The following PXK variants were observed in gnomAD, a reference collection of about 807,000 sequenced individuals.
The protein encoded by PXK is PX domain-containing protein kinase-like protein.
PXK carries 35 observed loss-of-function variants against 84.7 expected under a neutral mutation model. That is an observed-to-expected ratio of 0.41 (90% confidence interval 0.32 to 0.55). The LOEUF (loss-of-function observed/expected upper bound fraction) is 0.55, where lower values mean the gene tolerates loss of function less well. Ranked by LOEUF, PXK falls within the 20% of genes least tolerant of loss-of-function variation. The pLI is 0.21. For synonymous variants in PXK, 253 were observed against 260.8 expected, an observed-to-expected ratio of 0.97 and a Z score of 0.29; for missense variants, 634 against 699.7, an observed-to-expected ratio of 0.91 and a Z score of 1.06.
chr3:58,394,266 G>T (rs147031709), intron 7 of PXK, among the ~76,000 whole-genome samples: 14 of 152,282 alleles, frequency 9.2e-5, no homozygotes, highest in Non-Finnish European at 1.8e-4. Flanking sequence ...TGTAATACCT[G>T]TCTGGACCCA....
chr3:58,403,253 C>T (rs2058881639), intron 12 of PXK, among the ~76,000 whole-genome samples: 1 of 152,156 alleles, frequency 6.6e-6, no homozygotes, highest in South Asian at 2.1e-4. Flanking sequence ...GATCCGCCTG[C>T]CTCAGCCTCA....
chr3:58,373,914 C>T lies in PXK; in HGVS notation c.201+4436C>T, dbSNP rs570362662. 4.6e-5 allele frequency among the ~76,000 whole-genome samples: 7 copies of T among 151,614 alleles called. No individual in the cohort carries two copies. The Middle Eastern group carries it at 0.01, about 221-fold the overall frequency. ...CAAAAAATTAGCAGGGCGTGGTGGC[C>T]GGCGCCTGTAGTCCCAGCTACTCGG... is the stretch of plus-strand genomic sequence containing the variant. On this transcript the variant is annotated intron_variant, in intron 3 of 17. Transcript: ENST00000356151.
rs1026267514 is a variant in PXK, at chr3:58,370,559, C to T, written c.201+1081C>T. 6.6e-6 allele frequency among the ~76,000 whole-genome samples: 1 copy of T among 152,194 alleles called. No homozygotes were observed. ...GACTCAGCCAGGAGGGAAAGGACTGCTCCCGTCATTGGTGAGCTAGCCGTT... is the reference window on the plus strand; with the variant it reads ...GACTCAGCCAGGAGGGAAAGGACTGTTCCCGTCATTGGTGAGCTAGCCGTT... On this transcript the variant is annotated intron_variant, in intron 3 of 17. Transcript: ENST00000356151. The surrounding 1 kb of genome is among the most constrained non-coding windows in gnomAD (Gnocchi z 4.2).
Position 58,398,538 on chromosome 3 carries a change from A to G in PXK, c.1103-761A>G, listed in dbSNP as rs2058077627. 6.6e-6 allele frequency among the ~76,000 whole-genome samples: 1 copy of G among 152,166 alleles called. No homozygotes were observed. Among genetic ancestry groups the G allele is most frequent in the Non-Finnish European group, 1.5e-5 (1 of 68,022 alleles). ...ACAAATTGGATCCAGGAGCTCTTAC[A>G]GCATTACCTGCGGGGGCTGAGGGGA... On this transcript the variant is annotated intron_variant, in intron 11 of 17. Coordinates refer to ENST00000356151, the MANE Select transcript of PXK (RefSeq NM_017771.5). The surrounding 1 kb of genome is among the most constrained non-coding windows in gnomAD (Gnocchi z 4.5).
chr3:58,396,734 C>T (rs568967617), intron 9 of PXK, among the ~76,000 whole-genome samples: 1 of 152,312 alleles, frequency 6.6e-6, no homozygotes, highest in South Asian at 2.1e-4. Context: ...CTATTGGAAT[C>T]AGAAAGTGCT....
Position 58,383,286 on chromosome 3 carries a change from T to C in PXK, c.388+586T>C, listed in dbSNP as rs1201663520. Among the ~76,000 whole-genome samples, 1 of 152,202 alleles carries C rather than the reference T, an allele frequency of 6.6e-6. No homozygotes were observed. The highest frequency in any genetic ancestry group is 1.5e-5 in the Non-Finnish European group (1 of 68,036). On this transcript the variant is annotated intron_variant, in intron 4 of 17. Coordinates refer to ENST00000356151, the MANE Select transcript of PXK (RefSeq NM_017771.5). The surrounding 1 kb of genome is among the most constrained non-coding windows in gnomAD (Gnocchi z 4.0). ...TAGCCTAGGCAACAGAGCAAGACTC[T>C]GTCTTAAAAAGATAATAATAATAAT...
At chr3:58,345,261 C>T (rs903615703) in intron 1 of PXK, among the ~76,000 whole-genome samples, 11 of 152,112 alleles carry the variant, frequency 7.2e-5, no homozygotes, top group Admixed American at 3.9e-4. Context: ...TTAGAGAAAA[C>T]GTTCTAAATC....
intron 1 of PXK, among the ~76,000 whole-genome samples, chr3:58,354,528 C>T (rs888925852): frequency 1.1e-4 from 17 of 151,344 alleles, no homozygotes; most frequent in African/African-American, 4.1e-4. Flanking sequence ...CTCACTGCAA[C>T]CTCCACCTCC....
intron 3 of PXK, among the ~76,000 whole-genome samples, chr3:58,381,248 C>A (rs78830277): frequency 5.1e-5 from 5 of 97,484 alleles, no homozygotes; most frequent in African/African-American, 7.6e-5. Flanking sequence ...GACTCCGTCT[C>A]AAAAAAAAAA....
In PXK at chr3:58,421,883, G is replaced by C. The variant is rs1426243442; in HGVS notation, c.1529-2869G>C. On this transcript the variant is annotated intron_variant, in intron 17 of 17. Coordinates refer to ENST00000356151, the MANE Select transcript of PXK (RefSeq NM_017771.5). The surrounding 1 kb of genome is among the most constrained non-coding windows in gnomAD (Gnocchi z 5.5). ...CTGTTTGCAGCATCCCCCTTCCTGG[G>C]TGCAAATTCAGGTATCATAAGTCTA... 1.0e-6 allele frequency: 1 copy of C among 985,286 alleles called. No individual in the cohort carries two copies. Among genetic ancestry groups the C allele is most frequent in the African/African-American group, 1.7e-5 (1 of 57,232 alleles). 61.0% of individuals were successfully genotyped at this position (985,286 alleles called of 1,614,324 possible).
At chr3:58,339,871 A>G (rs1268866881) in intron 1 of PXK, among the ~76,000 whole-genome samples, 8 of 151,470 alleles carry the variant, frequency 5.3e-5, no homozygotes, top group Admixed American at 1.3e-4. Context: ...CTGGAGTGCA[A>G]TGGCGCGATC....
At chr3:58,381,436 G>A (rs532587314) in intron 3 of PXK, among the ~76,000 whole-genome samples, 1 of 151,542 alleles carries the variant, frequency 6.6e-6, no homozygotes, top group East Asian at 1.9e-4. Flanking sequence ...CGCCAGTCCT[G>A]CTTGGAGTAG....
At chr3:58,347,298 T>C (rs2097842668) in intron 1 of PXK, among the ~76,000 whole-genome samples, 1 of 152,202 alleles carries the variant, frequency 6.6e-6, no homozygotes, top group Non-Finnish European at 1.5e-5. Flanking sequence ...TCACCTATTT[T>C]AAGTATACAA....
chr3:58,357,366 C>T (rs1286676053), intron 1 of PXK, among the ~76,000 whole-genome samples: 3 of 152,242 alleles, frequency 2.0e-5, no homozygotes, highest in Non-Finnish European at 2.9e-5. Context: ...CTGTCTTCCA[C>T]TTCCACATCC....
At chr3:58,361,917 C>T (rs2098194249) in intron 1 of PXK, among the ~76,000 whole-genome samples, 2 of 152,198 alleles carry the variant, frequency 1.3e-5, no homozygotes, top group Admixed American at 6.5e-5. Flanking sequence ...AAAGAAACTT[C>T]CAAACTGTTC....
chr3:58,382,797 G>A, intron 4 of PXK, 97 bp downstream of exon 4: 1 of 928,376 alleles, frequency 1.1e-6, no homozygotes, highest in African/African-American at 1.7e-5. Context: ...TCTCAAAATG[G>A]GGATGTGTAT....
chr3:58,343,124 G>A (rs2097765342), intron 1 of PXK, among the ~76,000 whole-genome samples: 2 of 152,210 alleles, frequency 1.3e-5, no homozygotes, highest in Admixed American at 1.3e-4. Flanking sequence ...AAATGTCTAA[G>A]AGCCACCTGT....
chr3:58,335,377 A>G (rs1575594030), intron 1 of PXK, among the ~76,000 whole-genome samples: 1 of 152,190 alleles, frequency 6.6e-6, no homozygotes, highest in African/African-American at 2.4e-5. Flanking sequence ...TGACTGAGAA[A>G]TGTTGCATCA....
At chr3:58,363,679 A>G (rs571009667) in intron 1 of PXK, among the ~76,000 whole-genome samples, 57 of 152,278 alleles carry the variant, frequency 3.7e-4, no homozygotes, top group African/African-American at 1.3e-3. Context: ...TACATAGACT[A>G]TCATGTTGCC....
Sources: gnomAD v4.1 joint callset for allele counts (sites outside exome capture counted in the v4.1 genomes callset) on GRCh38, gnomAD v4.1.1 for gene constraint, Gnocchi (gnomAD v3.1) non-coding constraint, MANE v1.5 for transcripts, NCBI Gene and HGNC (gene_info 2026-07-23, HGNC 2026-07-21) for gene names.